PRKG1: variants seen among roughly 807,000 people sequenced by gnomAD.
The protein encoded by PRKG1 is protein kinase cGMP-dependent 1, also known as cGMP-dependent protein kinase 1.
Under a neutral mutation model 88.1 loss-of-function variants are expected in PRKG1, and 35 were observed. The ratio of observed to expected loss-of-function variants is 0.40; its 90% CI spans 0.30 to 0.53. The LOEUF is 0.53. Among genes scored for constraint, PRKG1 ranks in the 20% least tolerant of loss-of-function variants. The pLI, the probability that PRKG1 is intolerant of heterozygous loss-of-function variation, is 0.59. For missense variants in PRKG1, 540 were observed against 839.8 expected, an observed-to-expected ratio of 0.64 and a Z score of 4.41; for synonymous variants, 303 against 292.5, an observed-to-expected ratio of 1.04 and a Z score of -0.37.
At chr10:51,053,044 A>G (rs1268165436) in intron 1 of PRKG1, among the ~76,000 whole-genome samples, 1 of 152,160 alleles carries the variant, frequency 6.6e-6, no homozygotes, top group African/African-American at 2.4e-5. Flanking sequence ...AGCCTGGCCA[A>G]CATAGTGAAA....
At chr10:51,953,591 T>C (rs945207881) in intron 5 of PRKG1, among the ~76,000 whole-genome samples, 7 of 152,210 alleles carry the variant, frequency 4.6e-5, no homozygotes, top group Middle Eastern at 3.2e-3. Context: ...GCTGTTGTCT[T>C]TGTGTACCGA....
intron 14 of PRKG1, among the ~76,000 whole-genome samples, chr10:52,284,575 CA>C (rs1309402252): frequency 6.6e-6 from 1 of 151,924 alleles, no homozygotes; most frequent in African/African-American, 2.4e-5. Flanking sequence ...ACACACCTGC[CA>C]AACACTATGA....
rs1412243568 is a variant in PRKG1, at chr10:51,189,476, G to A, written c.478+36146G>A. Among the ~76,000 whole-genome samples, 3 of 151,776 alleles carry A rather than the reference G, an allele frequency of 2.0e-5. No homozygotes were observed. The East Asian group carries it at 5.8e-4, about 29-fold the overall frequency. On this transcript the variant is annotated intron_variant, in intron 2 of 17. Coordinates refer to ENST00000373980, the MANE Select transcript of PRKG1 (RefSeq NM_006258.4). ...AATTCCTATGAGCAAATAAGGTGGT[G>A]GAGAATAAAACTAGTTCCCTGTGGC... is the stretch of plus-strand genomic sequence containing the variant.
At chr10:51,783,076 T>C (rs1838636327) in intron 3 of PRKG1, among the ~76,000 whole-genome samples, 1 of 151,962 alleles carries the variant, frequency 6.6e-6, no homozygotes, top group Non-Finnish European at 1.5e-5. Context: ...TTAAAAAAAG[T>C]CTCTTTTAGA....
Position 51,055,147 on chromosome 10 carries a change from T to G in PRKG1, c.266+63503T>G, listed in dbSNP as rs76705395. ...GGCTACTTTGTCTGATTTAGAAGGATCTCAGAAGTGGTATTCAGTACCCCA... is the reference window on the plus strand; with the variant it reads ...GGCTACTTTGTCTGATTTAGAAGGAGCTCAGAAGTGGTATTCAGTACCCCA... On this transcript the variant is annotated intron_variant, in intron 1 of 17. Coordinates refer to the PRKG1 transcript ENST00000401604. 8.4e-3 allele frequency among the ~76,000 whole-genome samples: 1,277 copies of G among 152,284 alleles called. 16 individuals are homozygous for G. Among genetic ancestry groups the G allele is most frequent in the Middle Eastern group, 0.041 (12 of 294 alleles).
chr10:51,329,560 T>G (rs1841677666), intron 2 of PRKG1, among the ~76,000 whole-genome samples: 1 of 152,198 alleles, frequency 6.6e-6, no homozygotes, highest in Non-Finnish European at 1.5e-5. Context: ...CTCACTAGCT[T>G]TTGTGCTTTC....
intron 3 of PRKG1, among the ~76,000 whole-genome samples, chr10:51,590,990 A>T (rs902779524): frequency 6.6e-6 from 1 of 152,204 alleles, no homozygotes; most frequent in Non-Finnish European, 1.5e-5. Context: ...ACAGTTAGGG[A>T]GTGTACTGGA....
At chr10:51,053,153 C>T (rs900074631) in intron 1 of PRKG1, among the ~76,000 whole-genome samples, 3 of 152,106 alleles carry the variant, frequency 2.0e-5, no homozygotes, top group Non-Finnish European at 2.9e-5. Flanking sequence ...TTGCTTGAAC[C>T]CTGAAGGTGG....
intron 1 of PRKG1, among the ~76,000 whole-genome samples, chr10:51,100,229 T>C (rs1219916359): frequency 6.6e-6 from 1 of 152,194 alleles, no homozygotes; most frequent in Non-Finnish European, 1.5e-5. Context: ...ACTTAACATA[T>C]TCTATTGGAT....
At chr10:51,993,634 G>A (rs927748081) in intron 5 of PRKG1, among the ~76,000 whole-genome samples, 1 of 152,164 alleles carries the variant, frequency 6.6e-6, no homozygotes, top group African/African-American at 2.4e-5. Flanking sequence ...AATTGAAATA[G>A]GTAAAGTAGT....
intron 9 of PRKG1, among the ~76,000 whole-genome samples, chr10:52,196,305 C>A (rs1015064228): frequency 6.6e-6 from 1 of 152,080 alleles, no homozygotes; most frequent in Non-Finnish European, 1.5e-5. Flanking sequence ...CGTGAGCCAC[C>A]GCGCCAGGCC....
At chr10:52,044,112 A>T (rs1845812455) in intron 5 of PRKG1, among the ~76,000 whole-genome samples, 1 of 152,126 alleles carries the variant, frequency 6.6e-6, no homozygotes, top group Non-Finnish European at 1.5e-5. Context: ...AGACACAAAG[A>T]ACTCAAAAAT....
chr10:52,087,323 T>C (rs951498527), intron 7 of PRKG1, among the ~76,000 whole-genome samples: 3 of 152,174 alleles, frequency 2.0e-5, no homozygotes, highest in African/African-American at 7.2e-5. Flanking sequence ...ATTTTGTTAA[T>C]TCCTTGGTCA....
chr10:51,724,613 T>C (rs928221208), intron 3 of PRKG1, among the ~76,000 whole-genome samples: 3 of 152,212 alleles, frequency 2.0e-5, no homozygotes, highest in African/African-American at 7.2e-5. Context: ...AGTCTTGAAA[T>C]TCCTGGACTT....
chr10:51,916,053 C>T (rs543601508), intron 5 of PRKG1, among the ~76,000 whole-genome samples: 1 of 152,186 alleles, frequency 6.6e-6, no homozygotes, highest in East Asian at 1.9e-4. Context: ...GGCAACTCCT[C>T]AAAATGTTAA....
chr10:51,737,866 C>T (rs1050291404), intron 3 of PRKG1, among the ~76,000 whole-genome samples: 64 of 151,624 alleles, frequency 4.2e-4, no homozygotes, highest in Non-Finnish European at 8.1e-4. Flanking sequence ...CAGGTTCAAG[C>T]GATTCTCCTG....
chr10:51,742,964 G>A (rs931071407), intron 3 of PRKG1, among the ~76,000 whole-genome samples: 3 of 152,000 alleles, frequency 2.0e-5, no homozygotes, highest in Non-Finnish European at 2.9e-5. Flanking sequence ...AGGTTGATAG[G>A]TGTAGCAAAC....
chr10:52,071,418 A>G (rs1353278483), intron 7 of PRKG1, among the ~76,000 whole-genome samples: 1 of 152,172 alleles, frequency 6.6e-6, no homozygotes. Flanking sequence ...TTTCTGCATT[A>G]ACTGGTTTAG....
At chr10:52,071,287 C>T (rs143575963) in intron 7 of PRKG1, among the ~76,000 whole-genome samples, 168 of 152,200 alleles carry the variant, frequency 1.1e-3, no homozygotes, top group African/African-American at 3.9e-3. Context: ...TCAACCCTTG[C>T]CTCCATCTCT....
Sources: allele counts gnomAD v4.1 joint callset (sites outside exome capture counted in the v4.1 genomes callset), GRCh38; gene constraint gnomAD v4.1.1; transcripts MANE v1.5; gene names NCBI Gene and HGNC (gene_info 2026-07-23, HGNC 2026-07-21).